The following SLC6A8 variants were observed in gnomAD, a reference collection of about 807,000 sequenced individuals.
SLC6A8 encodes solute carrier family 6 member 8, also known as sodium- and chloride-dependent creatine transporter 1.
SLC6A8 carries 6 observed loss-of-function variants against 48.3 expected under a neutral mutation model. The observed-to-expected ratio is 0.12, with a 90% CI of 0.07 to 0.25. SLC6A8 has a LOEUF of 0.25. Ranked by LOEUF, SLC6A8 falls within the 10% of genes least tolerant of loss-of-function variation. The probability of loss-of-function intolerance (pLI) is 1.00; values close to 1 mark genes in which losing one functional copy is unlikely to be tolerated. For synonymous variants in SLC6A8, 245 were observed against 244.0 expected (o/e 1.00, Z -0.04); for missense variants, 260 against 551.5 (o/e 0.47, Z 5.29).
chrX:153,694,736 C>T lies in SLC6A8; in HGVS notation c.1614C>T (p.Asn538=), dbSNP rs369726574. 96 of 1,209,721 alleles carry T rather than the reference C, an allele frequency of 7.9e-5. No homozygotes were observed. Among genetic ancestry groups the T allele is most frequent in the East Asian group, 2.1e-4 (7 of 33,769 alleles). Residue 538 remains asparagine, a synonymous_variant, in exon 12 of 13, where the codon AAC becomes AAT. Transcript: ENST00000253122. Reference sequence around the variant, plus strand: ...GTCCGTAGGGCATCTTCATCTTCAACGTTGTGTACTACGAGCCGCTGGTCT... The same window carrying T: ...GTCCGTAGGGCATCTTCATCTTCAATGTTGTGTACTACGAGCCGCTGGTCT... ...PLVCMGIFIF[N]VVYYEPLVYN... is the part of the protein sequence containing the mutation.
At position 153,690,679 on chromosome X, in the gene SLC6A8, G is replaced by A. The variant is rs1414426407; in HGVS notation, c.394+173G>A. ...CCGCACAGCGAACTTGGGGAAGCGG[G>A]GACTAGAGGGGGCATAGGCAGCTCC... On this transcript the variant is annotated intron_variant, in intron 2 of 12. Transcript: ENST00000253122. 6 of 526,605 alleles carry A rather than the reference G, an allele frequency of 1.1e-5. No homozygotes were observed. In the African/African-American group the frequency reaches 1.2e-4, roughly 10 times the overall value. The allele number at this position is 526,605 out of a possible 1,213,427, so 43.4% of individuals were successfully genotyped here.
intron 7 of SLC6A8, 82 bp from the exon 8 acceptor site, chrX:153,693,823 C>CGCGA: frequency 1.6e-5 from 14 of 883,987 alleles, no homozygotes; most frequent in Non-Finnish European, 2.1e-5. Context: ...TGGGCATGGG[C>CGCGA]GCGAGTGTTG....
Position 153,694,030 on chromosome X carries a change from C to T in SLC6A8, c.1254+13C>T. ...TCTCGACAGCCAGGTTTGCATGGGG[C>T]TCTGGGACAGGGAGCCAGGAGGGGG... On this transcript the variant is annotated intron_variant, in intron 8 of 12. Transcript: ENST00000253122. 8.5e-7 allele frequency: 1 copy of T among 1,177,429 alleles called. No homozygotes were observed. Among genetic ancestry groups the T allele is most frequent in the East Asian group, 3.0e-5 (1 of 33,023 alleles).
At position 153,693,604 on chromosome X, in the gene SLC6A8, G is replaced by A. The variant is rs187400676; in HGVS notation, c.1141+18G>A. 2,434 of 1,205,279 alleles carry A rather than the reference G, an allele frequency of 2.0e-3. 17 individuals carry two copies. The Admixed American group carries it at 0.032, about 16-fold the overall frequency. On this transcript the variant is annotated intron_variant, in intron 7 of 12. Transcript: ENST00000253122. Reference sequence around the variant, plus strand: ...AGAGTCAGGTAGGGCCCTACCCCCAGCCCCGCCTCCAGAGCAGCGAGTGCT... The same window carrying A: ...AGAGTCAGGTAGGGCCCTACCCCCAACCCCGCCTCCAGAGCAGCGAGTGCT...
At position 153,693,076 on chromosome X, in the gene SLC6A8, C is replaced by T. The variant is rs138064933; in HGVS notation, c.813C>T (p.Val271=). The T allele has an allele frequency of 3.3e-3, 3,985 of 1,209,832 alleles. 13 individuals are homozygous for T. The highest frequency in any genetic ancestry group is 3.7e-3 in the Middle Eastern group (14 of 3,765). The change falls in exon 5 of 13, where the codon GTC becomes GTT. Residue 271 remains valine, a synonymous_variant. Transcript: ENST00000253122. ...VYFTATFPYV[V]LVVLLVRGVL... ...TCACTGCTACATTCCCCTACGTGGT[C>T]CTGGTCGTGCTGCTGGTGCGTGGAG...
At position 153,690,894 on chromosome X, in the gene SLC6A8, C is replaced by CA. The variant is rs1332637833; in HGVS notation, c.394+388_394+389insA. The CA allele has an allele frequency of 5.9e-5, 13 of 220,034 alleles. 1 individual carries two copies. The highest frequency in any genetic ancestry group is 1.2e-4 in the Admixed American group (2 of 16,125). 18.1% of individuals were successfully genotyped at this position (220,034 alleles called of 1,213,427 possible). On this transcript the variant is annotated intron_variant, in intron 2 of 12. Coordinates refer to ENST00000253122, the MANE Select transcript of SLC6A8 (RefSeq NM_005629.4). The stretch of plus-strand genomic sequence containing the variant: ...AACACTACCTCAGGCGACTAGAAAC[C>CA]CCCCCCCCCCACCACCACCATCAAC...
Position 153,688,789 on chromosome X carries a change from TG to T in SLC6A8, c.218del (p.Gly73AlafsTer24). The T allele has an allele frequency of 8.8e-7, 1 of 1,140,212 alleles. No individual in the cohort carries two copies. 94.0% of individuals were successfully genotyped at this position (1,140,212 alleles called of 1,213,427 possible). A position where few individuals can be genotyped will look rare whatever the true frequency, so the allele number is the denominator to read the frequency against. Reference protein sequence around the residue: ...IMSCVGFAVGLGNVWRFPYLC... With the variant: ...IMSCVGFAVGXGNVWRFPYLC... ...TCGTGCGTGGGCTTCGCCGTGGGCT[TG>T]GGCAACGTGTGGCGCTTCCCCTACC... On this transcript the variant is annotated frameshift_variant, in exon 1 of 13. Coordinates refer to ENST00000253122, the MANE Select transcript of SLC6A8 (RefSeq NM_005629.4). LOFTEE classifies it high-confidence loss of function.
intron 4 of SLC6A8, chrX:153,692,818 G>A (rs1464560467): frequency 1.2e-5 from 6 of 491,697 alleles, no homozygotes; most frequent in Non-Finnish European, 1.8e-5. Context: ...CCACCGACAC[G>A]CGTCCCTGCA....
In SLC6A8 at chrX:153,695,285, T is replaced by C; in HGVS notation, c.*71T>C. On this transcript the variant is annotated 3_prime_UTR_variant, in exon 13 of 13. Coordinates refer to ENST00000253122, the MANE Select transcript of SLC6A8 (RefSeq NM_005629.4). ...CCCTGCTTCAGCCCCACCGCACCCC[T>C]CCAGGGGGCCTGCCTTTCCCTGACA... 9.3e-7 allele frequency: 1 copy of C among 1,072,741 alleles called. No individual in the cohort carries two copies. Among genetic ancestry groups the C allele is most frequent in the Non-Finnish European group, 1.3e-6 (1 of 787,514 alleles). The allele number at this position is 1,072,741 out of a possible 1,213,427, so 88.4% of individuals were successfully genotyped here.
rs190690083 is a variant in SLC6A8 at position 153,693,375 on chromosome X, C to G, written c.1016+9C>G. ...AACAACAACTGCTACAAGTAAGCAC[C>G]GCCGCCCTGCCACCCGTGCCCTGTC... On this transcript the variant is annotated intron_variant, in intron 6 of 12. Transcript: ENST00000253122. 1 of 1,205,479 alleles carries G rather than the reference C, an allele frequency of 8.3e-7. No homozygotes were observed. The highest frequency in any genetic ancestry group is 1.8e-5 in the South Asian group (1 of 56,858).
intron 7 of SLC6A8, 93 bp downstream of exon 7, chrX:153,693,679 A>AC: frequency 9.7e-7 from 1 of 1,029,597 alleles, no homozygotes; most frequent in Non-Finnish European, 1.4e-6. Flanking sequence ...CTGAAAAGTG[A>AC]CGAGGATTCA....
Position 153,695,402 on chromosome X carries a change from T to C in SLC6A8, c.*188T>C. 2.1e-6 allele frequency: 1 copy of C among 476,295 alleles called. No homozygotes were observed. Among genetic ancestry groups the C allele is most frequent in the Non-Finnish European group, 3.7e-6 (1 of 272,905 alleles). 39.3% of individuals were successfully genotyped at this position (476,295 alleles called of 1,213,427 possible). A position where few individuals can be genotyped will look rare whatever the true frequency, so the allele number is the denominator to read the frequency against. On this transcript the variant is annotated 3_prime_UTR_variant, in exon 13 of 13. Transcript: ENST00000253122. ...CATTTTTAATAAAACGCCAAAAATA[T>C]CACAACCCACCAAAAATAGATGCCT...
At chrX:153,691,704 C>A in intron 3 of SLC6A8, 151 bp downstream of exon 3, 3 of 777,878 alleles carry the variant, frequency 3.9e-6, no homozygotes, top group Admixed American at 2.3e-5. Flanking sequence ...CTCGGAGAGT[C>A]CTGGGGCCAG....
intron 1 of SLC6A8, among the ~76,000 whole-genome samples, chrX:153,690,064 C>T (rs1335382737): frequency 1.8e-5 from 2 of 113,200 alleles, no homozygotes; most frequent in Non-Finnish European, 3.7e-5. Context: ...GGACAGCCCG[C>T]GTGTCTGAGC....
In SLC6A8 at chrX:153,688,134, G is replaced by A. The variant is rs1434368473; in HGVS notation, c.-441G>A. On this transcript the variant is annotated 5_prime_UTR_variant, in exon 1 of 13. Transcript: ENST00000253122. ...GCCCCGGCCGGGGCGGGGGGCGCGG[G>A]CCACAGGCCCCTGCTCCGGCCGCCG... The A allele has an allele frequency of 1.0e-5, 1 of 97,711 alleles. No homozygotes were observed. The highest frequency in any genetic ancestry group is 4.0e-4 in the South Asian group (1 of 2,507). The allele number at this position is 97,711 out of a possible 1,213,427, so 8.1% of individuals were successfully genotyped here. A position where few individuals can be genotyped will look rare whatever the true frequency, so the allele number is the denominator to read the frequency against.
chrX:153,690,442 C>A lies in SLC6A8; in HGVS notation c.330C>A (p.Ile110=). The A allele has an allele frequency of 1.7e-6, 2 of 1,194,279 alleles. No individual in the cohort carries two copies. The highest frequency in any genetic ancestry group is 2.3e-6 in the Non-Finnish European group (2 of 885,296). ...GAATCCCCATTTTCTTCTTAGAGAT[C>A]TCGCTGGGCCAGTTCATGAAGGCCG... ...VGGIPIFFLE[I]SLGQFMKAGS... is the part of the protein sequence containing the mutation. Residue 110 remains isoleucine (I), a synonymous_variant, in exon 2 of 13, where the codon ATC becomes ATA. Transcript: ENST00000253122.
chrX:153,695,182 A>T lies in SLC6A8; in HGVS notation c.1876A>T (p.Ser626Cys). Residue 626 changes from serine to cysteine, a missense_variant, in exon 13 of 13, where the codon AGC becomes TGC. Around this residue, in one of 7 missense-constraint regions of SLC6A8, gnomAD observed 87 missense variants for 120.9 expected, o/e 0.72. Coordinates refer to ENST00000253122, the MANE Select transcript of SLC6A8 (RefSeq NM_005629.4). ...LTTLTPVSES[S>C]KVVVVESVM is the part of the protein sequence containing the mutation. ...CACCCTGACCCCAGTGTCCGAGAGC[A>T]GCAAGGTCGTCGTGGTGGAGAGTGT... 8.4e-7 allele frequency: 1 copy of T among 1,192,096 alleles called. No individual in the cohort carries two copies. The highest frequency in any genetic ancestry group is 1.1e-6 in the Non-Finnish European group (1 of 885,044).
intron 1 of SLC6A8, 72 bp downstream of exon 1, chrX:153,688,908 C>G: frequency 2.9e-6 from 2 of 681,647 alleles, no homozygotes; most frequent in Non-Finnish European, 3.9e-6. Context: ...CCGGAGCCGC[C>G]GCGGAGGGGT....
chrX:153,690,830 G>A (rs2091451218), intron 2 of SLC6A8: 2 of 290,277 alleles, frequency 6.9e-6, no homozygotes, highest in Non-Finnish European at 1.3e-5. Context: ...CAGGTGGAGC[G>A]ACGTACTGAG....
Sources: allele counts gnomAD v4.1 joint callset (sites outside exome capture counted in the v4.1 genomes callset), GRCh38; gene constraint gnomAD v4.1.1; regional missense constraint gnomAD v4.1.1; transcripts MANE v1.5; gene names NCBI Gene and HGNC (gene_info 2026-07-23, HGNC 2026-07-21).